Variants in SLIT3 observed in about 807,000 individuals in gnomAD.
SLIT3 encodes slit guidance ligand 3.
In SLIT3, 68 loss-of-function variants were observed where a neutral mutation model predicts 184.0. The observed-to-expected ratio is 0.37, with a 90% CI of 0.30 to 0.45. The LOEUF (loss-of-function observed/expected upper bound fraction) is 0.45. Ranked by LOEUF, SLIT3 falls within the 20% of genes least tolerant of loss-of-function variation. The probability of loss-of-function intolerance (pLI) is 1.00; values close to 1 mark genes in which losing one functional copy is unlikely to be tolerated. For synonymous variants in SLIT3, 831 were observed against 828.6 expected, an observed-to-expected ratio of 1.00 and a Z score of -0.05; for missense variants, 1,707 against 2,026.0, an observed-to-expected ratio of 0.84 and a Z score of 3.02.
Position 168,714,383 on chromosome 5 carries a change from G to A in SLIT3, c.2484-2029C>T, listed in dbSNP as rs114610789. On this transcript the variant is annotated intron_variant, in intron 23 of 35. Coordinates refer to ENST00000519560, the MANE Select transcript of SLIT3 (RefSeq NM_003062.4). Reference sequence around the variant, plus strand: ...ACCGAAGGACCCAAGGGCAGCTTTAGCATTGTGACACCTGCAAGTCAGGCT... The same window carrying A: ...ACCGAAGGACCCAAGGGCAGCTTTAACATTGTGACACCTGCAAGTCAGGCT... Among the ~76,000 whole-genome samples, 636 of 152,300 alleles carry A rather than the reference G, an allele frequency of 4.2e-3. 3 individuals are homozygous for A. Among genetic ancestry groups the A allele is most frequent in the African/African-American group, 0.015 (604 of 41,580 alleles).
chr5:169,054,627 G>A (rs1365585539), intron 4 of SLIT3, among the ~76,000 whole-genome samples: 2 of 152,024 alleles, frequency 1.3e-5, no homozygotes, highest in African/African-American at 4.8e-5. Flanking sequence ...TTATTTCAAA[G>A]TAAAGTCCAA....
intron 4 of SLIT3, among the ~76,000 whole-genome samples, chr5:169,180,975 A>G (rs1327314332): frequency 6.6e-6 from 1 of 152,098 alleles, no homozygotes. Flanking sequence ...CTTCCAGGGA[A>G]AAGAGAGCTC....
At chr5:168,916,308 C>G (rs148228392) in intron 4 of SLIT3, among the ~76,000 whole-genome samples, 1 of 152,330 alleles carries the variant, frequency 6.6e-6, no homozygotes, top group African/African-American at 2.4e-5. Flanking sequence ...AAGCACCACA[C>G]TCTTAATCCA....
At chr5:169,142,044 C>T (rs1252626534) in intron 4 of SLIT3, among the ~76,000 whole-genome samples, 1 of 135,302 alleles carries the variant, frequency 7.4e-6, no homozygotes, top group African/African-American at 2.9e-5. Context: ...AGCGAGACTC[C>T]TACTCAAAAA....
Position 168,667,401 on chromosome 5 carries a change from TGGCCCAGG to T in SLIT3, c.4337-720_4337-713del, listed in dbSNP as rs140347057. On this transcript the variant is annotated intron_variant, in intron 35 of 35. Coordinates refer to ENST00000519560, the MANE Select transcript of SLIT3 (RefSeq NM_003062.4). ...ATTTGTATTCAAAAGGCATTTGACC[TGGCCCAGG>T]GGCCAGGGAGGCTTCTCTGGGAAAT... is the stretch of plus-strand genomic sequence containing the variant. Among the ~76,000 whole-genome samples the T allele has an allele frequency of 6.8e-3, 1,033 of 152,372 alleles. 6 individuals carry two copies. The highest frequency in any genetic ancestry group is 9.9e-3 in the Non-Finnish European group (676 of 68,040).
chr5:168,723,400 T>C (rs1385212236), intron 21 of SLIT3, among the ~76,000 whole-genome samples: 1 of 151,606 alleles, frequency 6.6e-6, no homozygotes, highest in Non-Finnish European at 1.5e-5. Context: ...ATCCAAATGG[T>C]CATTTTCAAT....
intron 4 of SLIT3, among the ~76,000 whole-genome samples, chr5:169,016,005 T>C (rs1346680688): frequency 7.0e-6 from 1 of 142,730 alleles, no homozygotes; most frequent in East Asian, 2.1e-4. Flanking sequence ...TCTGCCCCCT[T>C]GCTCTTCCTG....
At chr5:168,899,300 G>T (rs756170832) in intron 4 of SLIT3, among the ~76,000 whole-genome samples, 1 of 152,180 alleles carries the variant, frequency 6.6e-6, no homozygotes, top group Non-Finnish European at 1.5e-5. Context: ...AGGATCACTT[G>T]AGGTCAGAAG....
chr5:169,026,076 T>A (rs1447934549), intron 4 of SLIT3, among the ~76,000 whole-genome samples: 1 of 152,134 alleles, frequency 6.6e-6, no homozygotes, highest in Non-Finnish European at 1.5e-5. Flanking sequence ...CCACAGCAAT[T>A]TCATAGATGG....
At chr5:169,152,250 G>A (rs1050186718) in intron 4 of SLIT3, among the ~76,000 whole-genome samples, 23 of 152,174 alleles carry the variant, frequency 1.5e-4, no homozygotes, top group African/African-American at 5.6e-4. Context: ...TCAACTATGT[G>A]CATTTCTCAC....
chr5:168,882,782 C>T (rs539742256), intron 5 of SLIT3, among the ~76,000 whole-genome samples: 61 of 152,240 alleles, frequency 4.0e-4, no homozygotes, highest in Admixed American at 2.0e-4. Context: ...ATGTAAGTCC[C>T]CATGCTCTCT....
Position 168,772,594 on chromosome 5 carries a change from G to A in SLIT3, c.1459+187C>T, listed in dbSNP as rs955070332. 5 of 604,876 alleles carry A rather than the reference G, an allele frequency of 8.3e-6. No homozygotes were observed. The African/African-American group carries it at 9.3e-5, about 11-fold the overall frequency. The allele number at this position is 604,876 out of a possible 1,614,324, so 37.5% of individuals were successfully genotyped here. ...ATTGTGTGTGTGTGTGTGTGTGTGT[G>A]TTTTATTTTAAATCCATAAGGTAAC... is the stretch of plus-strand genomic sequence containing the variant. On this transcript the variant is annotated intron_variant, in intron 14 of 35. Transcript: ENST00000519560.
chr5:168,765,474 T>G (rs914251352), intron 14 of SLIT3, among the ~76,000 whole-genome samples: 1 of 152,148 alleles, frequency 6.6e-6, no homozygotes, highest in African/African-American at 2.4e-5. Flanking sequence ...ACGGCGTATG[T>G]ACATAACCGA....
At chr5:169,292,080 A>G (rs1767375432) in intron 1 of SLIT3, among the ~76,000 whole-genome samples, 1 of 152,148 alleles carries the variant, frequency 6.6e-6, no homozygotes, top group Non-Finnish European at 1.5e-5. Context: ...CTGGTCCCCT[A>G]TGCTTCATTC....
chr5:168,853,160 G>A (rs1011793066), intron 5 of SLIT3, among the ~76,000 whole-genome samples: 2 of 152,114 alleles, frequency 1.3e-5, no homozygotes, highest in Non-Finnish European at 2.9e-5. Flanking sequence ...TGGACTAAGG[G>A]CAGCAGTTCA....
At chr5:168,774,438 G>T (rs112540484) in intron 12 of SLIT3, 60 bp from the exon 13 acceptor site, 11 of 1,521,580 alleles carry the variant, frequency 7.2e-6, no homozygotes, top group Admixed American at 1.9e-5. Context: ...GCGGGGCAAG[G>T]GTTGCACCTG....
chr5:168,669,670 C>G (rs1761174018), intron 35 of SLIT3, 113 bp downstream of exon 35: 2 of 822,534 alleles, frequency 2.4e-6, no homozygotes, highest in Non-Finnish European at 4.0e-6. Context: ...AGTGACTGAA[C>G]CAAGGTCATG....
At chr5:169,070,723 C>A (rs1758513259) in intron 4 of SLIT3, among the ~76,000 whole-genome samples, 1 of 151,052 alleles carries the variant, frequency 6.6e-6, no homozygotes, top group Admixed American at 6.6e-5. Context: ...CACTTGAGTT[C>A]CCAAATCTAT....
intron 4 of SLIT3, among the ~76,000 whole-genome samples, chr5:169,151,353 AC>A: frequency 6.6e-6 from 1 of 152,200 alleles, no homozygotes; most frequent in East Asian, 1.9e-4. Context: ...CATTTCTGAG[AC>A]TTCCCTGAGC....
Sources: gnomAD v4.1 joint callset for allele counts (sites outside exome capture counted in the v4.1 genomes callset) on GRCh38, gnomAD v4.1.1 for gene constraint, MANE v1.5 for transcripts, NCBI Gene and HGNC (gene_info 2026-07-23, HGNC 2026-07-21) for gene names.